The following COL16A1 variants were observed in gnomAD, a reference collection of about 807,000 sequenced individuals.
The protein encoded by COL16A1 is collagen alpha-1(XVI) chain.
In COL16A1, 189 loss-of-function variants were observed where a neutral mutation model predicts 266.3. The observed-to-expected ratio is 0.71, with a 90% CI of 0.63 to 0.80. The LOEUF (loss-of-function observed/expected upper bound fraction) is 0.80. Among genes scored for constraint, COL16A1 ranks in the 30% least tolerant of loss-of-function variants. COL16A1 has a pLI of 0.00. For synonymous variants in COL16A1, 740 were observed against 782.3 expected (o/e 0.95, Z 0.90); for missense variants, 1,928 against 2,122.4 (o/e 0.91, Z 1.80).
At position 31,655,461 on chromosome 1, in the gene COL16A1, C is replaced by A; in HGVS notation, c.4143G>T (p.Glu1381Asp). 6.2e-7 allele frequency: 1 copy of A among 1,614,188 alleles called. No homozygotes were observed. The highest frequency in any genetic ancestry group is 1.1e-5 in the South Asian group (1 of 91,086). ...CACCAGGCATGCCGGCTCTCCCCTTCTCTCCTGCCTGGCCCTTCTGTCCTG... is the reference window on the plus strand; with the variant it reads ...CACCAGGCATGCCGGCTCTCCCCTTATCTCCTGCCTGGCCCTTCTGTCCTG... ...GAAGQKGQAG[E>D]KGRAGMPGGP... Residue 1381 changes from glutamate to aspartate, a missense_variant, in exon 67 of 71, where the codon GAG (glutamate) becomes GAT (aspartate). Glu to Asp is a conservative substitution (Grantham distance 45, BLOSUM62 2). Transcript: ENST00000373672.
chr1:31,662,730 C>T, intron 56 of COL16A1, 72 bp from the exon 57 acceptor site: 1 of 1,445,614 alleles, frequency 6.9e-7, no homozygotes, highest in Non-Finnish European at 9.3e-7. Context: ...CCCATGGAGA[C>T]CAGGCCCTGG....
At position 31,697,146 on chromosome 1, in the gene COL16A1, TC is replaced by T; in HGVS notation, c.739-59del. ...ACAGGAGCAGACTCCTCCTAAGACC[TC>T]CAGGCATCACCTTCCAGACCCTCAT... On this transcript the variant is annotated intron_variant, in intron 7 of 70. Coordinates refer to ENST00000373672, the MANE Select transcript of COL16A1 (RefSeq NM_001856.4). This position sits in a 1 kb window ranked among gnomAD's most constrained non-coding sequence, Gnocchi z 4.2. 4.3e-6 allele frequency: 7 copies of T among 1,612,644 alleles called. No homozygotes were observed. The highest frequency in any genetic ancestry group is 4.2e-6 in the Non-Finnish European group (5 of 1,179,058).
intron 26 of COL16A1, among the ~76,000 whole-genome samples, chr1:31,687,474 T>C (rs995575010): frequency 2.7e-5 from 4 of 150,232 alleles, no homozygotes; most frequent in African/African-American, 9.8e-5. Flanking sequence ...GCTGCAGGGC[T>C]ACAGTGGCCA....
rs758937152 is a variant in COL16A1, at chr1:31,699,939, G to A, written c.149-9C>T. On this transcript the variant is annotated splice_polypyrimidine_tract_variant and intron_variant, in intron 3 of 70. Transcript: ENST00000373672. ...GTGGATGAGGTTGAAGCCTTTGGGG[G>A]AGACATCAGGTGAAGAGCTCAGCTG... 1.9e-6 allele frequency: 3 copies of A among 1,606,798 alleles called. No individual in the cohort carries two copies. The highest frequency in any genetic ancestry group is 2.6e-6 in the Non-Finnish European group (3 of 1,173,180).
intron 29 of COL16A1, 109 bp from the exon 30 acceptor site, chr1:31,684,965 T>G: frequency 1.3e-6 from 2 of 1,584,576 alleles, no homozygotes; most frequent in Non-Finnish European, 8.6e-7. Flanking sequence ...ACAAAATCTC[T>G]GCTTTCGTGC....
At chr1:31,702,351 C>T in intron 1 of COL16A1, 124 bp from the exon 2 acceptor site, 1 of 941,828 alleles carries the variant, frequency 1.1e-6, no homozygotes, top group Admixed American at 2.1e-5. Context: ...GAGGTCTGGC[C>T]AGGCATCAGT....
At chr1:31,691,735 C>G (rs1235702275) in intron 17 of COL16A1, 93 bp from the exon 18 acceptor site, 45 of 1,471,380 alleles carry the variant, frequency 3.1e-5, no homozygotes, top group Non-Finnish European at 3.8e-5. Flanking sequence ...CCCACCCTCC[C>G]TGCCCCTCCC....
Position 31,653,597 on chromosome 1 carries a change from AC to A in COL16A1, c.4612+1del. Reference sequence around the variant, plus strand: ...ATGGTCTCAAATGGTGGTATTTCCTACCTGGGGGGCCGGGAAGACCATTTTC... The same window carrying A: ...ATGGTCTCAAATGGTGGTATTTCCTACTGGGGGGCCGGGAAGACCATTTTC... On this transcript the variant is annotated splice_donor_variant, in intron 70 of 70. Coordinates refer to ENST00000373672, the MANE Select transcript of COL16A1 (RefSeq NM_001856.4). LOFTEE classifies it high-confidence loss of function. 6.2e-7 allele frequency: 1 copy of A among 1,613,366 alleles called. No homozygotes were observed. The highest frequency in any genetic ancestry group is 1.1e-5 in the South Asian group (1 of 91,030).
chr1:31,652,286 C>T lies in COL16A1; in HGVS notation c.*365G>A, dbSNP rs1400121637. On this transcript the variant is annotated 3_prime_UTR_variant, in exon 71 of 71. Transcript: ENST00000373672. The surrounding 1 kb of genome is among the most constrained non-coding windows in gnomAD (Gnocchi z 4.8). ...CCTTTATTTTTTAATTTTTATTTTTCGGAGACTGAGTCTCATTATGTTGCT... is the reference window on the plus strand; with the variant it reads ...CCTTTATTTTTTAATTTTTATTTTTTGGAGACTGAGTCTCATTATGTTGCT... 4 of 157,106 alleles carry T rather than the reference C, an allele frequency of 2.5e-5. No homozygotes were observed. The highest frequency in any genetic ancestry group is 7.2e-5 in the African/African-American group (3 of 41,568). 9.7% of individuals were successfully genotyped at this position (157,106 alleles called of 1,614,324 possible).
rs1641899363 is a variant in COL16A1, at chr1:31,663,895, G to A, written c.3556-1237C>T. Among the ~76,000 whole-genome samples, 2 of 152,150 alleles carry A rather than the reference G, an allele frequency of 1.3e-5. No individual in the cohort carries two copies. The highest frequency in any genetic ancestry group is 1.5e-5 in the Non-Finnish European group (1 of 68,022). On this transcript the variant is annotated intron_variant, in intron 56 of 70. Coordinates refer to ENST00000373672, the MANE Select transcript of COL16A1 (RefSeq NM_001856.4). The surrounding 1 kb of genome is among the most constrained non-coding windows in gnomAD (Gnocchi z 4.9). ...CGGGGAAGGTGGCTGCATTCTCCCA[G>A]TGTGGAGAGGGTGGCTGCCCTGGAT...
At position 31,652,531 on chromosome 1, in the gene COL16A1, T is replaced by G; in HGVS notation, c.*120A>C. On this transcript the variant is annotated 3_prime_UTR_variant, in exon 71 of 71. Coordinates refer to ENST00000373672, the MANE Select transcript of COL16A1 (RefSeq NM_001856.4). The surrounding 1 kb of genome is among the most constrained non-coding windows in gnomAD (Gnocchi z 4.8). ...TGTTTCTTTATTATTTAAAAAATAT[T>G]AACAGCAATTAAAAACAACAACAAC... is the stretch of plus-strand genomic sequence containing the variant. 1 of 1,139,076 alleles carries G rather than the reference T, an allele frequency of 8.8e-7. No individual in the cohort carries two copies. Among genetic ancestry groups the G allele is most frequent in the Non-Finnish European group, 1.2e-6 (1 of 860,614 alleles). 70.6% of individuals were successfully genotyped at this position (1,139,076 alleles called of 1,614,324 possible). A position where few individuals can be genotyped will look rare whatever the true frequency, so the allele number is the denominator to read the frequency against.
chr1:31,700,175 G>A (rs372578188), intron 2 of COL16A1, 60 bp from the exon 3 acceptor site: 243 of 1,517,468 alleles, frequency 1.6e-4, no homozygotes, highest in Non-Finnish European at 2.1e-4. Flanking sequence ...CTGCACGGCT[G>A]GACGCCTGGG....
chr1:31,689,907 G>A lies in COL16A1; in HGVS notation c.1510-56C>T. ...GGGTGGGGCTGAGACCCCAGGGAAG[G>A]CAAGGGGCCTCTTGCGCAGACCAGC... On this transcript the variant is annotated intron_variant, in intron 22 of 70. Coordinates refer to ENST00000373672, the MANE Select transcript of COL16A1 (RefSeq NM_001856.4). The A allele has an allele frequency of 2.0e-6, 3 of 1,499,108 alleles. No homozygotes were observed. In the South Asian group the frequency reaches 3.4e-5, roughly 17 times the overall value. The allele number at this position is 1,499,108 out of a possible 1,614,324, so 92.9% of individuals were successfully genotyped here. A position where few individuals can be genotyped will look rare whatever the true frequency, so the allele number is the denominator to read the frequency against.
At chr1:31,671,699 G>A (rs776776528) in intron 47 of COL16A1, 40 bp from the exon 48 acceptor site, 38 of 1,612,566 alleles carry the variant, frequency 2.4e-5, no homozygotes, top group Non-Finnish European at 3.0e-5. Context: ...AGAGGCCCAG[G>A]CCCCATAGAG....
Position 31,695,724 on chromosome 1 carries a change from G to A in COL16A1, c.945+37C>T, listed in dbSNP as rs768215138. 8.7e-6 allele frequency: 14 copies of A among 1,609,642 alleles called. No homozygotes were observed. The South Asian group carries it at 1.3e-4, about 15-fold the overall frequency. On this transcript the variant is annotated intron_variant, in intron 10 of 70. Coordinates refer to ENST00000373672, the MANE Select transcript of COL16A1 (RefSeq NM_001856.4). The stretch of plus-strand genomic sequence containing the variant: ...AAGCCTGGTGCAAAGGGTTCATGCT[G>A]GCACCTCCCCTGCTGCCAGTCCACT...
At chr1:31,683,657 G>A (rs1643810497) in intron 34 of COL16A1, 50 bp downstream of exon 34, 2 of 1,610,236 alleles carry the variant, frequency 1.2e-6, no homozygotes, top group Admixed American at 1.7e-5. Flanking sequence ...GTAGGTAGCT[G>A]GCTAATGGAA....
intron 20 of COL16A1, 74 bp from the exon 21 acceptor site, chr1:31,690,647 C>A: frequency 6.4e-7 from 1 of 1,569,794 alleles, no homozygotes; most frequent in Middle Eastern, 2.1e-4. Flanking sequence ...CTTCCCCACC[C>A]GTGCCCCTCT....
intron 4 of COL16A1, 38 bp downstream of exon 4, chr1:31,699,775 T>A: frequency 7.7e-7 from 1 of 1,290,412 alleles, no homozygotes; most frequent in Non-Finnish European, 1.1e-6. Flanking sequence ...GTGGCTGAGG[T>A]CAGTGTTGAT....
rs780840041 is a variant in COL16A1 at position 31,670,582 on chromosome 1, G to A, written c.3195+20C>T. 7 of 1,372,630 alleles carry A rather than the reference G, an allele frequency of 5.1e-6. No homozygotes were observed. Among genetic ancestry groups the A allele is most frequent in the Middle Eastern group, 1.9e-4 (1 of 5,360 alleles). 85.0% of individuals were successfully genotyped at this position (1,372,630 alleles called of 1,614,324 possible). On this transcript the variant is annotated intron_variant, in intron 49 of 70. Coordinates refer to ENST00000373672, the MANE Select transcript of COL16A1 (RefSeq NM_001856.4). The surrounding 1 kb of genome is among the most constrained non-coding windows in gnomAD (Gnocchi z 4.5). ...TGGCTGACGGGGGGGAGGGGAGGTCGAGCAGCGCTAGGTTCTTACAGGCAA... is the reference window on the plus strand; with the variant it reads ...TGGCTGACGGGGGGGAGGGGAGGTCAAGCAGCGCTAGGTTCTTACAGGCAA...
Sources: gnomAD v4.1 joint callset for allele counts (sites outside exome capture counted in the v4.1 genomes callset) on GRCh38, gnomAD v4.1.1 for gene constraint, Gnocchi (gnomAD v3.1) non-coding constraint, MANE v1.5 for transcripts, NCBI Gene and HGNC (gene_info 2026-07-23, HGNC 2026-07-21) for gene names.